Variants in SLC12A6 observed in about 807,000 individuals in gnomAD.
SLC12A6 encodes the protein K-Cl cotransporter 3.
SLC12A6 carries 66 observed loss-of-function variants against 135.3 expected under a neutral mutation model. The observed-to-expected ratio is 0.49, with a 90% CI of 0.40 to 0.60. SLC12A6 has a LOEUF of 0.60. Among genes scored for constraint, SLC12A6 ranks in the 20% least tolerant of loss-of-function variants. The pLI is 0.00. For synonymous variants in SLC12A6, 513 were observed against 508.8 expected (o/e 1.01, Z -0.11); for missense variants, 1,058 against 1,452.3 (o/e 0.73, Z 4.41).
At chr15:34,313,575 G>A (rs1336313711) in intron 2 of SLC12A6, among the ~76,000 whole-genome samples, 6 of 152,202 alleles carry the variant, frequency 3.9e-5, no homozygotes, top group Non-Finnish European at 7.3e-5. Flanking sequence ...AAGTTATCCA[G>A]AAGATTGAGC....
At chr15:34,292,849 T>C (rs1215170876) in intron 2 of SLC12A6, among the ~76,000 whole-genome samples, 1 of 152,158 alleles carries the variant, frequency 6.6e-6, no homozygotes, top group African/African-American at 2.4e-5. Context: ...CCTGGTCTGA[T>C]GGTTGTGAAG....
chr15:34,286,095 A>G (rs1340705919), intron 2 of SLC12A6, among the ~76,000 whole-genome samples: 1 of 151,552 alleles, frequency 6.6e-6, no homozygotes, highest in Non-Finnish European at 1.5e-5. Flanking sequence ...TTTTCTTTTT[A>G]AACAGTCTTG....
chr15:34,250,254 T>C (rs1321338605), intron 13 of SLC12A6, 44 bp downstream of exon 13: 2 of 1,035,280 alleles, frequency 1.9e-6, no homozygotes, highest in Admixed American at 3.4e-5. Context: ...TCAGAAGTCA[T>C]GGCAGACACA....
rs1000464554 is a variant in SLC12A6 at position 34,242,153 on chromosome 15, A to G, written c.2111T>C (p.Ile704Thr). ...LMFISSWYYA[I>T]VAMVIAGMIY... ...CATACCAGCTATTACCATGGCTACA[A>G]TGGCATAATACCAGGAAGAAATGAA... The change falls in exon 17 of 26, where the codon ATT becomes ACT. Residue 704 changes from isoleucine to threonine, a missense_variant. Around this residue, in one of 6 missense-constraint regions of SLC12A6, gnomAD observed 170 missense variants for 297.6 expected, o/e 0.57. Transcript: ENST00000354181. The G allele has an allele frequency of 1.3e-6, 2 of 1,588,436 alleles. No homozygotes were observed. Among genetic ancestry groups the G allele is most frequent in the Non-Finnish European group, 8.6e-7 (1 of 1,156,736 alleles).
chr15:34,235,955 G>T, intron 24 of SLC12A6, 60 bp downstream of exon 24: 1 of 1,311,526 alleles, frequency 7.6e-7, no homozygotes, highest in Non-Finnish European at 1.1e-6. Context: ...TCCAGGCAAA[G>T]TCACATTTGT....
At chr15:34,328,850 A>T (rs1341467500) in intron 2 of SLC12A6, among the ~76,000 whole-genome samples, 1 of 152,222 alleles carries the variant, frequency 6.6e-6, no homozygotes, top group Non-Finnish European at 1.5e-5. Flanking sequence ...GCCTCTGAAT[A>T]GCCACTGCCT....
chr15:34,241,350 GA>G lies in SLC12A6; in HGVS notation c.2163-14del, dbSNP rs771321354. On this transcript the variant is annotated splice_polypyrimidine_tract_variant and intron_variant, in intron 17 of 25. Transcript: ENST00000354181. ...TTCTTTCTCAGCTCTGTGAGAAAAA[GA>G]AAAGAGCAGAGACAAATTTAAACTA... 74 of 1,378,790 alleles carry G rather than the reference GA, an allele frequency of 5.4e-5. 1 individual carries two copies. The highest frequency in any genetic ancestry group is 7.5e-5 in the Non-Finnish European group (72 of 965,148). The allele number at this position is 1,378,790 out of a possible 1,614,324, so 85.4% of individuals were successfully genotyped here. A position where few individuals can be genotyped will look rare whatever the true frequency, so the allele number is the denominator to read the frequency against.
At chr15:34,245,529 T>A in intron 14 of SLC12A6, 126 bp from the exon 15 acceptor site, 1 of 885,166 alleles carries the variant, frequency 1.1e-6, no homozygotes, top group Non-Finnish European at 1.9e-6. Flanking sequence ...TTAAATACCT[T>A]TACAGCACTC....
chr15:34,322,242 G>A (rs950950664), intron 2 of SLC12A6, among the ~76,000 whole-genome samples: 2 of 152,112 alleles, frequency 1.3e-5, no homozygotes, highest in South Asian at 4.1e-4. Context: ...TTAGCTGGGC[G>A]TGGTGACACA....
chr15:34,322,544 T>C (rs1418069297), intron 2 of SLC12A6, among the ~76,000 whole-genome samples: 1 of 152,164 alleles, frequency 6.6e-6, no homozygotes, highest in Non-Finnish European at 1.5e-5. Flanking sequence ...GATTCTGCAA[T>C]TTACCTTAAA....
At chr15:34,336,175 A>G (rs1054055939) in intron 2 of SLC12A6, among the ~76,000 whole-genome samples, 1 of 152,200 alleles carries the variant, frequency 6.6e-6, no homozygotes, top group African/African-American at 2.4e-5. Flanking sequence ...GGAAGTTAAA[A>G]TATACATTTG....
intron 2 of SLC12A6, among the ~76,000 whole-genome samples, chr15:34,275,640 G>T (rs931041616): frequency 2.6e-5 from 4 of 151,976 alleles, no homozygotes; most frequent in Non-Finnish European, 5.9e-5. Flanking sequence ...TGAAAACAGG[G>T]ACTCAAACAG....
intron 2 of SLC12A6, among the ~76,000 whole-genome samples, chr15:34,281,887 T>C (rs2140918027): frequency 6.6e-6 from 1 of 152,242 alleles, no homozygotes; most frequent in South Asian, 2.1e-4. Context: ...AAAAGTTAAT[T>C]CTTTATGTTT....
intron 2 of SLC12A6, among the ~76,000 whole-genome samples, chr15:34,302,321 A>G (rs1456364175): frequency 6.6e-6 from 1 of 152,198 alleles, no homozygotes; most frequent in African/African-American, 2.4e-5. Flanking sequence ...AAAAGAAGAA[A>G]AAAAACTTAC....
chr15:34,235,285 G>A lies in SLC12A6; in HGVS notation c.3257C>T (p.Thr1086Ile). ...PDQSNVRRMH[T>I]AVKLNEVIVN... ...TATAACCTCGTTGAGTTTCACTGCT[G>A]TATGCATCCGCCTCACATTGGACTG... Residue 1086 changes from threonine to isoleucine, a missense_variant, in exon 25 of 26, where the codon ACA (threonine) becomes ATA (isoleucine). Thr to Ile is a moderately conservative substitution (Grantham distance 89). This residue lies in a region of SLC12A6 where 245 missense variants were observed against 440.8 expected (regional missense o/e 0.56). Transcript: ENST00000354181. 6.2e-7 allele frequency: 1 copy of A among 1,613,046 alleles called. No homozygotes were observed. The highest frequency in any genetic ancestry group is 8.5e-7 in the Non-Finnish European group (1 of 1,179,010).
intron 2 of SLC12A6, among the ~76,000 whole-genome samples, chr15:34,328,040 G>A (rs1218998082): frequency 6.6e-6 from 1 of 151,940 alleles, no homozygotes; most frequent in Non-Finnish European, 1.5e-5. Context: ...ACAAAAAGCT[G>A]CCATTGGTTA....
intron 2 of SLC12A6, among the ~76,000 whole-genome samples, chr15:34,316,391 C>CAAAAA (rs1422439781): frequency 6.6e-6 from 1 of 151,894 alleles, no homozygotes; most frequent in Non-Finnish European, 1.5e-5. Flanking sequence ...TATTTTACTC[C>CAAAAA]TAGGTTTAAA....
At chr15:34,284,093 G>A (rs1295968443) in intron 2 of SLC12A6, among the ~76,000 whole-genome samples, 1 of 151,846 alleles carries the variant, frequency 6.6e-6, no homozygotes, top group East Asian at 1.9e-4. Flanking sequence ...AGAATGGATT[G>A]TAGGGGAGAC....
chr15:34,266,928 G>T (rs1430113464), intron 3 of SLC12A6, among the ~76,000 whole-genome samples: 1 of 151,976 alleles, frequency 6.6e-6, no homozygotes, highest in Non-Finnish European at 1.5e-5. Flanking sequence ...AATATATTTA[G>T]ACAGGGTTCT....
Sources: gnomAD v4.1 joint callset for allele counts (sites outside exome capture counted in the v4.1 genomes callset) on GRCh38, gnomAD v4.1.1 for gene constraint, gnomAD v4.1.1 regional missense constraint, MANE v1.5 for transcripts, NCBI Gene and HGNC (gene_info 2026-07-23, HGNC 2026-07-21) for gene names.